The following OMA1 variants were observed in gnomAD, a reference collection of about 807,000 sequenced individuals.
OMA1 encodes metalloendopeptidase OMA1, mitochondrial.
In OMA1, 38 loss-of-function variants were observed where a neutral mutation model predicts 30.9. The observed-to-expected ratio is 1.23, with a 90% CI of 0.95 to 1.61. The LOEUF is 1.61. OMA1 is among the 40% of genes most tolerant of loss of function. The pLI is 0.00. For missense variants in OMA1, 461 were observed against 349.2 expected, an observed-to-expected ratio of 1.32 and a Z score of -2.55; for synonymous variants, 173 against 121.9, an observed-to-expected ratio of 1.42 and a Z score of -2.76.
intron 3 of OMA1, 130 bp downstream of exon 3, chr1:58,536,383 G>A (rs750449344): frequency 8.9e-5 from 55 of 617,168 alleles, no homozygotes; most frequent in South Asian, 4.7e-4. Flanking sequence ...TGAGGCCTTC[G>A]GGAAAAAAAA....
chr1:58,522,632 G>A (rs1233696567), intron 7 of OMA1, among the ~76,000 whole-genome samples: 1 of 152,240 alleles, frequency 6.6e-6, no homozygotes, highest in South Asian at 2.1e-4. Flanking sequence ...CCTCTGTGCA[G>A]TCAAAAATCC....
At chr1:58,530,166 C>A (rs1389858229) in intron 6 of OMA1, among the ~76,000 whole-genome samples, 2 of 152,192 alleles carry the variant, frequency 1.3e-5, no homozygotes, top group African/African-American at 4.8e-5. Context: ...CAGGCATGAG[C>A]CACGGCGCCC....
intron 8 of OMA1, among the ~76,000 whole-genome samples, chr1:58,488,135 C>T (rs1180470190): frequency 6.6e-6 from 1 of 152,036 alleles, no homozygotes; most frequent in African/African-American, 2.4e-5. Flanking sequence ...TTAGTAAAAA[C>T]TCATGAAAAT....
intron 7 of OMA1, among the ~76,000 whole-genome samples, 193 bp downstream of exon 7, chr1:58,527,068 G>C (rs1400022953): frequency 1.3e-5 from 2 of 152,014 alleles, no homozygotes; most frequent in African/African-American, 4.8e-5. Context: ...ATATAGAAGG[G>C]AATTGAGACT....
Position 58,485,228 on chromosome 1 carries a change from TAA to T in OMA1, c.1366-4056_1366-4055del, listed in dbSNP as rs71043289. Among the ~76,000 whole-genome samples the T allele has an allele frequency of 1.2e-3, 52 of 42,052 alleles. No homozygotes were observed. The South Asian group carries it at 0.047, about 38-fold the overall frequency. The allele number at this position is 42,052 out of a possible 152,430, so 27.6% of individuals were successfully genotyped here. Reference sequence around the variant, plus strand: ...GTCTAAAAATAAAAGAGTCTACTACTAAAAAAAAAAAAAAAAAAAAAAAAAAA... The same window carrying T: ...GTCTAAAAATAAAAGAGTCTACTACTAAAAAAAAAAAAAAAAAAAAAAAAA... On this transcript the variant is annotated intron_variant, in intron 8 of 8. Transcript: ENST00000371226.
chr1:58,498,592 C>G (rs1645844191), intron 8 of OMA1, among the ~76,000 whole-genome samples: 2 of 152,120 alleles, frequency 1.3e-5, no homozygotes, highest in South Asian at 4.1e-4. Context: ...AGGATAATGC[C>G]TATATGGCTA....
At chr1:58,533,457 T>A (rs1245390293) in intron 5 of OMA1, among the ~76,000 whole-genome samples, 1 of 137,522 alleles carries the variant, frequency 7.3e-6, no homozygotes, top group Admixed American at 8.0e-5. Context: ...AAAAGCTCAG[T>A]AAACTGTAAA....
At chr1:58,514,097 C>G (rs559727514) in intron 7 of OMA1, among the ~76,000 whole-genome samples, 4 of 152,300 alleles carry the variant, frequency 2.6e-5, no homozygotes, top group African/African-American at 9.6e-5. Context: ...TTCCTTTCCC[C>G]TGGTGAGCAA....
chr1:58,491,911 G>A (rs973347084), intron 8 of OMA1, among the ~76,000 whole-genome samples: 2 of 152,060 alleles, frequency 1.3e-5, no homozygotes, highest in African/African-American at 2.4e-5. Context: ...TGCACCAAGT[G>A]GACCTAATAG....
chr1:58,527,774 AT>A (rs1398431534), intron 6 of OMA1, among the ~76,000 whole-genome samples: 2 of 152,212 alleles, frequency 1.3e-5, no homozygotes, highest in Non-Finnish European at 2.9e-5. Flanking sequence ...CAGTAAAAAA[AT>A]TAACCATATA....
intron 8 of OMA1, among the ~76,000 whole-genome samples, chr1:58,483,593 T>C (rs1283229225): frequency 6.6e-6 from 1 of 152,186 alleles, no homozygotes; most frequent in African/African-American, 2.4e-5. Context: ...ATCTAGTGAG[T>C]GTTAAGTAAA....
In OMA1 at chr1:58,534,062, T is replaced by C; in HGVS notation, c.904-2A>G. 1.1e-6 allele frequency: 1 copy of C among 870,170 alleles called. No homozygotes were observed. Among genetic ancestry groups the C allele is most frequent in the Non-Finnish European group, 2.0e-6 (1 of 501,136 alleles). 53.9% of individuals were successfully genotyped at this position (870,170 alleles called of 1,614,324 possible). A position where few individuals can be genotyped will look rare whatever the true frequency, so the allele number is the denominator to read the frequency against. ...AGTGAAAACAAACATTTGTCCATTC[T>C]GCACCACAAAGAAAATAATGTAAGC... On this transcript the variant is annotated splice_acceptor_variant, in intron 4 of 8. Transcript: ENST00000371226. LOFTEE classifies it high-confidence loss of function.
At chr1:58,524,793 A>C (rs1646324422) in intron 7 of OMA1, among the ~76,000 whole-genome samples, 2 of 152,200 alleles carry the variant, frequency 1.3e-5, no homozygotes, top group South Asian at 4.1e-4. Flanking sequence ...GTCTCATGGT[A>C]TTACTCAAGG....
chr1:58,497,583 A>G (rs1006053674), intron 8 of OMA1, among the ~76,000 whole-genome samples: 8 of 150,912 alleles, frequency 5.3e-5, no homozygotes, highest in Middle Eastern at 3.4e-3. Context: ...TATTTTGGGC[A>G]ATAGCAGACA....
intron 7 of OMA1, among the ~76,000 whole-genome samples, chr1:58,527,051 G>A (rs956991166): frequency 7.9e-5 from 12 of 152,124 alleles, no homozygotes; most frequent in African/African-American, 2.9e-4. Context: ...GCATAATACA[G>A]CTTCAAATAT....
Position 58,538,922 on chromosome 1 carries a change from G to C in OMA1, c.373C>G (p.Leu125Val). ...AVPSLSVLHP[L>V]SPASIRAIRN... ...ATAGCTCTTATGGAAGCAGGGCTTA[G>C]AGGATGCAATACTGACAGACTAGGG... The change falls in exon 2 of 9, where the codon CTA (leucine) becomes GTA (valine). Residue 125 changes from leucine (L) to valine (V), a missense_variant. Coordinates refer to ENST00000371226, the MANE Select transcript of OMA1 (RefSeq NM_145243.5). 1 of 872,878 alleles carries C rather than the reference G, an allele frequency of 1.1e-6. No homozygotes were observed. Among genetic ancestry groups the C allele is most frequent in the East Asian group, 2.4e-5 (1 of 41,696 alleles). 54.1% of individuals were successfully genotyped at this position (872,878 alleles called of 1,614,324 possible).
intron 8 of OMA1, among the ~76,000 whole-genome samples, chr1:58,492,253 A>G (rs1210413903): frequency 6.6e-6 from 1 of 152,240 alleles, no homozygotes; most frequent in Non-Finnish European, 1.5e-5. Flanking sequence ...TCTCTGAGAC[A>G]CATTCAAAGC....
chr1:58,542,215 A>G (rs1646633782), intron 1 of OMA1, among the ~76,000 whole-genome samples: 1 of 152,236 alleles, frequency 6.6e-6, no homozygotes, highest in African/African-American at 2.4e-5. Flanking sequence ...AGGCTGATAT[A>G]TAATAGTTTG....
rs566477495 is a variant in OMA1, at chr1:58,539,990, T to C, written c.-16-680A>G. ...AATCCCCCTCCCATATTCAGCTGAG[T>C]CCTGTCTGGGCATATGTGTAAGAAA... On this transcript the variant is annotated intron_variant, in intron 1 of 8. Coordinates refer to ENST00000371226, the MANE Select transcript of OMA1 (RefSeq NM_145243.5). Among the ~76,000 whole-genome samples the C allele has an allele frequency of 4.6e-5, 7 of 152,134 alleles. No homozygotes were observed. The South Asian group carries it at 1.2e-3, about 27-fold the overall frequency.
Sources: allele counts gnomAD v4.1 joint callset (sites outside exome capture counted in the v4.1 genomes callset), GRCh38; gene constraint gnomAD v4.1.1; transcripts MANE v1.5; gene names NCBI Gene and HGNC (gene_info 2026-07-23, HGNC 2026-07-21).